TACR3: variants seen among roughly 807,000 people sequenced by gnomAD.
TACR3 encodes the protein tachykinin receptor 3.
In TACR3, 34 loss-of-function variants were observed where a neutral mutation model predicts 35.0. The observed-to-expected ratio is 0.97, with a 90% CI of 0.74 to 1.30. The LOEUF (loss-of-function observed/expected upper bound fraction) is 1.30, where lower values mean the gene tolerates loss of function less well. Among genes scored for constraint, TACR3 ranks in the 50% most tolerant of loss-of-function variants. TACR3 has a pLI of 0.00. For missense variants in TACR3, 558 were observed against 591.7 expected (o/e 0.94, Z 0.59); for synonymous variants, 233 against 221.1 (o/e 1.05, Z -0.48).
intron 1 of TACR3, among the ~76,000 whole-genome samples, chr4:103,660,262 C>CTT (rs1475407319): frequency 1.3e-5 from 2 of 151,864 alleles, no homozygotes; most frequent in Non-Finnish European, 2.9e-5. Flanking sequence ...AAACATGAAA[C>CTT]TTAGATTTGA....
chr4:103,670,553 G>C (rs561406181), intron 1 of TACR3, among the ~76,000 whole-genome samples: 1 of 151,746 alleles, frequency 6.6e-6, no homozygotes, highest in South Asian at 2.1e-4. Flanking sequence ...TTATTCCTGG[G>C]TATTTTATTT....
At chr4:103,604,547 A>C (rs1724301147) in intron 3 of TACR3, among the ~76,000 whole-genome samples, 1 of 151,974 alleles carries the variant, frequency 6.6e-6, no homozygotes, top group Admixed American at 6.6e-5. Flanking sequence ...AATGGGATCT[A>C]AATTAAACTA....
intron 3 of TACR3, among the ~76,000 whole-genome samples, chr4:103,629,878 AAACAAC>A (rs1553969647): frequency 1.4e-5 from 2 of 141,708 alleles, no homozygotes; most frequent in South Asian, 2.2e-4. Flanking sequence ...AAAACAAAAA[AAACAAC>A]AACAACAACA....
intron 3 of TACR3, among the ~76,000 whole-genome samples, chr4:103,639,136 C>A (rs951517400): frequency 1.3e-5 from 2 of 152,232 alleles, no homozygotes; most frequent in South Asian, 4.1e-4. Context: ...AAGACACATG[C>A]ACACGTATGT....
chr4:103,653,163 A>G lies in TACR3; in HGVS notation c.888+3031T>C, dbSNP rs372575042. On this transcript the variant is annotated intron_variant, in intron 3 of 4. Transcript: ENST00000304883. The stretch of plus-strand genomic sequence containing the variant: ...TACAAACCAAGAGGAAGACATATAA[A>G]CTGGAACTTTAAAATGTCTTACTTT... Among the ~76,000 whole-genome samples the G allele has an allele frequency of 7.9e-5, 12 of 152,232 alleles. 1 individual carries two copies. In the East Asian group the frequency reaches 1.7e-3, roughly 22 times the overall value.
rs1189313010 is a variant in TACR3 at position 103,590,052 on chromosome 4, C to T, written c.1086-58G>A. On this transcript the variant is annotated intron_variant, in intron 4 of 4. Transcript: ENST00000304883. ...TATTTTTTCAAGCAGATATGTCTTT[C>T]AGCTGCCACAGAAAATTCTACCTAA... 9 of 1,558,784 alleles carry T rather than the reference C, an allele frequency of 5.8e-6. No homozygotes were observed. In the South Asian group the frequency reaches 7.0e-5, roughly 12 times the overall value.
At chr4:103,596,092 A>G (rs1734049514) in intron 3 of TACR3, among the ~76,000 whole-genome samples, 1 of 149,242 alleles carries the variant, frequency 6.7e-6, no homozygotes, top group Admixed American at 6.7e-5. Flanking sequence ...ATCCTTTTTT[A>G]TGGCTGCATA....
At chr4:103,697,597 T>C (rs1457055866) in intron 1 of TACR3, among the ~76,000 whole-genome samples, 1 of 151,888 alleles carries the variant, frequency 6.6e-6, no homozygotes, top group East Asian at 1.9e-4. Flanking sequence ...GCTAATTTTT[T>C]GTATTTTTAG....
chr4:103,647,249 C>T (rs1729055398), intron 3 of TACR3, among the ~76,000 whole-genome samples: 1 of 151,796 alleles, frequency 6.6e-6, no homozygotes, highest in Non-Finnish European at 1.5e-5. Context: ...TAATTTTAAA[C>T]AGATAGTTTC....
At chr4:103,603,836 T>C (rs950184228) in intron 3 of TACR3, among the ~76,000 whole-genome samples, 1 of 152,034 alleles carries the variant, frequency 6.6e-6, no homozygotes, top group Non-Finnish European at 1.5e-5. Flanking sequence ...CAGCAACTGT[T>C]GTTTCCTGAC....
At chr4:103,650,174 C>A (rs904275839) in intron 3 of TACR3, among the ~76,000 whole-genome samples, 1 of 151,900 alleles carries the variant, frequency 6.6e-6, no homozygotes, top group Non-Finnish European at 1.5e-5. Context: ...TCTTCCTTCA[C>A]TTTCTTCCAA....
intron 3 of TACR3, among the ~76,000 whole-genome samples, chr4:103,606,841 A>G (rs941127776): frequency 1.3e-5 from 2 of 152,184 alleles, no homozygotes; most frequent in African/African-American, 2.4e-5. Context: ...TGCCCTGTCC[A>G]GAACTTCCAA....
intron 3 of TACR3, among the ~76,000 whole-genome samples, chr4:103,650,625 TA>T (rs1407794332): frequency 6.4e-5 from 6 of 94,374 alleles, no homozygotes; most frequent in African/African-American, 2.3e-4. Context: ...ATATTATATA[TA>T]AATATATAAT....
intron 1 of TACR3, among the ~76,000 whole-genome samples, chr4:103,688,378 A>C (rs1456466409): frequency 1.3e-5 from 2 of 152,120 alleles, no homozygotes; most frequent in African/African-American, 4.8e-5. Flanking sequence ...CAATGGCAAC[A>C]AAAGCCAAAA....
At chr4:103,638,709 T>C (rs1725270480) in intron 3 of TACR3, among the ~76,000 whole-genome samples, 2 of 152,048 alleles carry the variant, frequency 1.3e-5, no homozygotes, top group Non-Finnish European at 2.9e-5. Flanking sequence ...AGGGCTACTA[T>C]CCAGAATCTA....
intron 1 of TACR3, among the ~76,000 whole-genome samples, chr4:103,672,375 G>A (rs993259547): frequency 2.6e-5 from 4 of 152,276 alleles, no homozygotes; most frequent in African/African-American, 9.6e-5. Flanking sequence ...AGACTTGAAA[G>A]TCTAACTTAC....
intron 3 of TACR3, among the ~76,000 whole-genome samples, chr4:103,603,069 C>G (rs1724249166): frequency 2.0e-5 from 3 of 152,220 alleles, no homozygotes; most frequent in South Asian, 2.1e-4. Context: ...CTTTGTTTAC[C>G]TAATCATACA....
intron 1 of TACR3, among the ~76,000 whole-genome samples, chr4:103,704,724 G>A (rs1722747213): frequency 6.6e-6 from 1 of 152,126 alleles, no homozygotes; most frequent in Admixed American, 6.6e-5. Flanking sequence ...AGATTTGTGT[G>A]GGGAAACAGA....
chr4:103,714,117 G>A (rs2110233031), intron 1 of TACR3, among the ~76,000 whole-genome samples: 1 of 152,118 alleles, frequency 6.6e-6, no homozygotes, highest in Non-Finnish European at 1.5e-5. Flanking sequence ...TTTTGTTTAT[G>A]TCTTTTGTTC....
Sources: gnomAD v4.1 joint callset for allele counts (sites outside exome capture counted in the v4.1 genomes callset) on GRCh38, gnomAD v4.1.1 for gene constraint, MANE v1.5 for transcripts, NCBI Gene and HGNC (gene_info 2026-07-23, HGNC 2026-07-21) for gene names.